REC114: variants seen among roughly 807,000 people sequenced by gnomAD.
REC114 encodes the protein REC114 meiotic recombination protein.
In REC114, 27 loss-of-function variants were observed where a neutral mutation model predicts 31.3. The observed-to-expected ratio is 0.86, with a 90% confidence interval of 0.64 to 1.19. The LOEUF is 1.19. Among genes scored for constraint, REC114 ranks in the 50% most tolerant of loss-of-function variants. REC114 has a pLI of 0.00. For missense variants in REC114, 344 were observed against 326.9 expected (o/e 1.05, Z -0.40); for synonymous variants, 134 against 127.7 (o/e 1.05, Z -0.33).
intron 1 of REC114, among the ~76,000 whole-genome samples, chr15:73,448,267 A>C (rs1892795407): frequency 6.6e-6 from 1 of 152,230 alleles, no homozygotes; most frequent in African/African-American, 2.4e-5. Context: ...TCTCACTGCT[A>C]GCACAGCAGT....
intron 3 of REC114, among the ~76,000 whole-genome samples, chr15:73,550,064 C>G (rs1421369895): frequency 6.6e-6 from 1 of 152,154 alleles, no homozygotes; most frequent in Admixed American, 6.5e-5. Context: ...AGCTTAGCAT[C>G]TACATTTCTT....
intron 2 of REC114, among the ~76,000 whole-genome samples, chr15:73,533,892 A>G (rs1192924393): frequency 0.022 from 2,264 of 104,858 alleles, 58 homozygotes; most frequent in African/African-American, 0.076. Context: ...CTCACTCAAA[A>G]CCGCTCAACT....
chr15:73,493,971 T>C (rs1368208506), intron 2 of REC114, among the ~76,000 whole-genome samples: 1 of 152,170 alleles, frequency 6.6e-6, no homozygotes, highest in Non-Finnish European at 1.5e-5. Context: ...TTTCTATGGC[T>C]CCCCTATTCA....
chr15:73,485,193 C>T (rs1239789323), intron 2 of REC114, among the ~76,000 whole-genome samples: 1 of 152,216 alleles, frequency 6.6e-6, no homozygotes, highest in Non-Finnish European at 1.5e-5. Flanking sequence ...AAGCGATTCT[C>T]CTGCCTCAGC....
intron 1 of REC114, among the ~76,000 whole-genome samples, chr15:73,456,576 G>T (rs1386021507): frequency 6.6e-6 from 1 of 152,216 alleles, no homozygotes; most frequent in Middle Eastern, 3.4e-3. Context: ...ATGTTTGAAT[G>T]TATGGTGTGG....
intron 2 of REC114, among the ~76,000 whole-genome samples, chr15:73,511,319 T>C (rs1893764275): frequency 6.6e-6 from 1 of 151,612 alleles, no homozygotes; most frequent in Non-Finnish European, 1.5e-5. Flanking sequence ...TTGTGTCTAT[T>C]TGATTCTTCT....
chr15:73,491,447 T>G (rs987556940), intron 2 of REC114, among the ~76,000 whole-genome samples: 9 of 152,188 alleles, frequency 5.9e-5, no homozygotes, highest in Non-Finnish European at 1.3e-4. Flanking sequence ...TTTGGGGAAA[T>G]TATGAGTAGA....
At chr15:73,471,075 T>C (rs927353111) in intron 1 of REC114, among the ~76,000 whole-genome samples, 23 of 152,224 alleles carry the variant, frequency 1.5e-4, no homozygotes, top group African/African-American at 5.3e-4. Flanking sequence ...GGCTGTAAGC[T>C]GGAAATGACA....
intron 2 of REC114, among the ~76,000 whole-genome samples, 198 bp downstream of exon 2, chr15:73,474,119 T>G (rs1893176182): frequency 6.6e-6 from 1 of 152,140 alleles, no homozygotes. Context: ...GGGTTTAGGA[T>G]TTTGTTGGGA....
Position 73,513,631 on chromosome 15 carries a change from T to G in REC114, c.250-26854T>G, listed in dbSNP as rs200800144. On this transcript the variant is annotated intron_variant, in intron 2 of 5. Transcript: ENST00000331090. Reference sequence around the variant, plus strand: ...TGTACAGATGGGTTTTCGGTGTGGATGTCCTTTCTGTTTGTTAGTTTTCCT... The same window carrying G: ...TGTACAGATGGGTTTTCGGTGTGGAGGTCCTTTCTGTTTGTTAGTTTTCCT... Among the ~76,000 whole-genome samples the G allele has an allele frequency of 4.2e-3, 645 of 152,242 alleles. 14 individuals carry two copies. In the East Asian group the frequency reaches 0.069, roughly 16 times the overall value.
chr15:73,466,788 C>G lies in REC114; in HGVS notation c.160-7044C>G, dbSNP rs79238554. On this transcript the variant is annotated intron_variant, in intron 1 of 5. Transcript: ENST00000331090. ...AGTTACATCTTGCTATTTACACTTG[C>G]AACAGTGTTTTAAATTTTAGACAAA... Among the ~76,000 whole-genome samples, 515 of 152,272 alleles carry G rather than the reference C, an allele frequency of 3.4e-3. 2 individuals carry two copies. Among genetic ancestry groups the G allele is most frequent in the Admixed American group, 5.8e-3 (89 of 15,300 alleles).
intron 1 of REC114, among the ~76,000 whole-genome samples, chr15:73,452,329 A>G (rs1406682753): frequency 2.0e-5 from 3 of 152,252 alleles, no homozygotes; most frequent in Admixed American, 1.3e-4. Context: ...AAGCATTCCT[A>G]TACACCAATA....
At chr15:73,531,138 A>G (rs1023660096) in intron 2 of REC114, among the ~76,000 whole-genome samples, 20 of 152,204 alleles carry the variant, frequency 1.3e-4, no homozygotes, top group Admixed American at 1.2e-3. Context: ...GTGACACCCC[A>G]TGATATTCTC....
chr15:73,487,671 T>C (rs969992725), intron 2 of REC114, among the ~76,000 whole-genome samples: 28 of 152,348 alleles, frequency 1.8e-4, no homozygotes, highest in African/African-American at 6.7e-4. Context: ...TCTCATGCGT[T>C]GGAGTTGGGT....
intron 4 of REC114, among the ~76,000 whole-genome samples, chr15:73,555,020 G>A (rs1052677419): frequency 6.6e-6 from 1 of 152,080 alleles, no homozygotes; most frequent in African/African-American, 2.4e-5. Context: ...TGGCCCTTTG[G>A]CCATTTTGCT....
chr15:73,519,966 G>C (rs556289034), intron 2 of REC114, among the ~76,000 whole-genome samples: 1 of 152,168 alleles, frequency 6.6e-6, no homozygotes, highest in African/African-American at 2.4e-5. Context: ...AGGGGCTGGG[G>C]GAAAGGAAAA....
Position 73,508,699 on chromosome 15 carries a change from GT to G in REC114, c.250-31780del, listed in dbSNP as rs1219019285. Among the ~76,000 whole-genome samples the G allele has an allele frequency of 8.2e-5, 12 of 145,896 alleles. No individual in the cohort carries two copies. The East Asian group carries it at 2.4e-3, about 30-fold the overall frequency. On this transcript the variant is annotated intron_variant, in intron 2 of 5. Coordinates refer to ENST00000331090, the MANE Select transcript of REC114 (RefSeq NM_001042367.2). ...TATGAGTGAGAATATGCGGTGTTTG[GT>G]TTTTTGTTCTTGCGATAGTTTACTG...
intron 4 of REC114, among the ~76,000 whole-genome samples, chr15:73,554,502 C>T (rs746244594): frequency 7.2e-5 from 11 of 152,142 alleles, no homozygotes; most frequent in Admixed American, 6.6e-4. Context: ...TTTACTGGCT[C>T]ATATTTTAGT....
At chr15:73,509,851 AGTATAGT>A (rs1165675265) in intron 2 of REC114, among the ~76,000 whole-genome samples, 1 of 152,004 alleles carries the variant, frequency 6.6e-6, no homozygotes, top group African/African-American at 2.4e-5. Flanking sequence ...GTAGCCCTGT[AGTATAGT>A]TTGAAGTCAG....
Sources: gnomAD v4.1 joint callset for allele counts (sites outside exome capture counted in the v4.1 genomes callset) on GRCh38, gnomAD v4.1.1 for gene constraint, MANE v1.5 for transcripts, NCBI Gene and HGNC (gene_info 2026-07-23, HGNC 2026-07-21) for gene names.